Variants in INPP4B observed in about 807,000 individuals in gnomAD.
INPP4B encodes inositol polyphosphate 4-phosphatase type II.
INPP4B carries 55 observed loss-of-function variants against 122.5 expected under a neutral mutation model. That is an observed-to-expected ratio of 0.45 (90% CI 0.36 to 0.56). The LOEUF is 0.56. INPP4B is among the 20% of genes least tolerant of loss of function. The pLI, the probability that INPP4B is intolerant of heterozygous loss-of-function variation, is 0.00. For synonymous variants in INPP4B, 403 were observed against 388.7 expected, an observed-to-expected ratio of 1.04 and a Z score of -0.43; for missense variants, 1,000 against 1,097.7, an observed-to-expected ratio of 0.91 and a Z score of 1.26.
chr4:142,782,108 A>G (rs1304486738), intron 1 of INPP4B, among the ~76,000 whole-genome samples: 2 of 151,920 alleles, frequency 1.3e-5, no homozygotes, highest in African/African-American at 4.8e-5. Flanking sequence ...CATTAGGTAT[A>G]TCTCCTAATG....
intron 22 of INPP4B, among the ~76,000 whole-genome samples, chr4:142,112,177 T>A (rs1270878984): frequency 6.6e-6 from 1 of 152,198 alleles, no homozygotes; most frequent in East Asian, 1.9e-4. Flanking sequence ...AAAAACTCTG[T>A]TTTAGATTTA....
intron 2 of INPP4B, among the ~76,000 whole-genome samples, chr4:142,510,611 T>A (rs929706113): frequency 6.6e-6 from 1 of 152,202 alleles, no homozygotes; most frequent in African/African-American, 2.4e-5. Context: ...TATTATGTAA[T>A]GTAGAGTTCT....
intron 2 of INPP4B, among the ~76,000 whole-genome samples, chr4:142,526,081 AAGT>A (rs1826873067): frequency 6.6e-6 from 1 of 152,048 alleles, no homozygotes; most frequent in South Asian, 2.1e-4. Context: ...TAATAAATGA[AAGT>A]AATAATAGCC....
chr4:142,601,188 G>C lies in INPP4B; in HGVS notation c.-191+124651C>G, dbSNP rs553295884. Among the ~76,000 whole-genome samples, 97 of 152,044 alleles carry C rather than the reference G, an allele frequency of 6.4e-4. 1 individual carries two copies. The South Asian group carries it at 0.019, about 30-fold the overall frequency. On this transcript the variant is annotated intron_variant, in intron 2 of 25. Transcript: ENST00000262992. ...ACATTGCACTTAAGCAAGAAAAACC[G>C]GACTTTAGATCAAATAAGACTAACA...
chr4:142,370,205 A>T (rs1293475209), intron 7 of INPP4B, among the ~76,000 whole-genome samples: 1 of 152,104 alleles, frequency 6.6e-6, no homozygotes, highest in African/African-American at 2.4e-5. Flanking sequence ...TATCATCCAC[A>T]TATAAATAAA....
At chr4:142,581,305 C>T (rs1313359457) in intron 2 of INPP4B, among the ~76,000 whole-genome samples, 1 of 151,964 alleles carries the variant, frequency 6.6e-6, no homozygotes, top group African/African-American at 2.4e-5. Flanking sequence ...TCAAGTATTT[C>T]TACACAGCTG....
chr4:142,806,764 GAAGAAAGAAAGA>G (rs796400415), intron 1 of INPP4B, among the ~76,000 whole-genome samples: 7 of 39,076 alleles, frequency 1.8e-4, no homozygotes, highest in Non-Finnish European at 4.1e-4. Flanking sequence ...GAAGAAGAAA[GAAGAAAGAAAGA>G]AAGAAAGAAG....
chr4:142,624,644 C>T (rs567539848), intron 2 of INPP4B, among the ~76,000 whole-genome samples: 9 of 152,106 alleles, frequency 5.9e-5, no homozygotes, highest in South Asian at 4.2e-4. Flanking sequence ...CCAGCATCAT[C>T]CTGATACCAA....
At chr4:142,734,795 G>A (rs997115056) in intron 1 of INPP4B, among the ~76,000 whole-genome samples, 5 of 152,058 alleles carry the variant, frequency 3.3e-5, no homozygotes, top group African/African-American at 7.2e-5. Flanking sequence ...ACAGGCATGC[G>A]CCAGCACGCC....
intron 2 of INPP4B, among the ~76,000 whole-genome samples, chr4:142,505,988 G>A (rs576831784): frequency 2.6e-5 from 4 of 152,196 alleles, no homozygotes; most frequent in African/African-American, 7.2e-5. Flanking sequence ...TCTGTGTTAT[G>A]TGCATTAACA....
chr4:142,487,337 C>T (rs1821326207), intron 2 of INPP4B, among the ~76,000 whole-genome samples: 1 of 152,034 alleles, frequency 6.6e-6, no homozygotes, highest in Non-Finnish European at 1.5e-5. Flanking sequence ...ATGCTAGTAC[C>T]ACAATGTCTG....
At chr4:142,306,061 TC>T (rs1271782211) in intron 8 of INPP4B, 1 of 337,652 alleles carries the variant, frequency 3.0e-6, no homozygotes, top group Non-Finnish European at 4.2e-6. Flanking sequence ...CTTTGTTATT[TC>T]TTTACTAGCA....
chr4:142,773,859 G>C (rs937356209), intron 1 of INPP4B, among the ~76,000 whole-genome samples: 3 of 151,182 alleles, frequency 2.0e-5, no homozygotes, highest in African/African-American at 4.9e-5. Context: ...GATTTTTGGA[G>C]AGTAAGAGCC....
intron 2 of INPP4B, among the ~76,000 whole-genome samples, chr4:142,643,749 T>C (rs1751088439): frequency 6.6e-6 from 1 of 152,180 alleles, no homozygotes; most frequent in Non-Finnish European, 1.5e-5. Flanking sequence ...GGCAGAGGTT[T>C]AAGTGAGGAT....
chr4:142,064,519 A>AT (rs1379922987), intron 25 of INPP4B, among the ~76,000 whole-genome samples: 5 of 151,884 alleles, frequency 3.3e-5, no homozygotes, highest in East Asian at 1.9e-4. Flanking sequence ...TATATGAAAG[A>AT]TTTTTTTTAA....
chr4:142,151,429 T>C lies in INPP4B; in HGVS notation c.1564-5433A>G, dbSNP rs1813851559. Among the ~76,000 whole-genome samples, 3 of 152,182 alleles carry C rather than the reference T, an allele frequency of 2.0e-5. No homozygotes were observed. The South Asian group carries it at 6.2e-4, about 32-fold the overall frequency. On this transcript the variant is annotated intron_variant, in intron 17 of 25. Coordinates refer to ENST00000262992, the MANE Select transcript of INPP4B (RefSeq NM_001101669.3). ...CTTTAACTTCACCTATTTCCTTATG[T>C]AAAAATACCTGACCTTCATCTCCCA...
At chr4:142,421,336 T>C (rs1418200644) in intron 5 of INPP4B, among the ~76,000 whole-genome samples, 2 of 152,116 alleles carry the variant, frequency 1.3e-5, no homozygotes, top group African/African-American at 4.8e-5. Context: ...TTATTGTCTA[T>C]ATAAGTAGGC....
intron 3 of INPP4B, among the ~76,000 whole-genome samples, chr4:142,458,115 A>C (rs1815876024): frequency 6.6e-6 from 1 of 152,330 alleles, no homozygotes; most frequent in African/African-American, 2.4e-5. Context: ...CTGTAAAATA[A>C]AGTTAAAAAG....
chr4:142,364,074 CCTTT>C (rs1435934824), intron 7 of INPP4B, among the ~76,000 whole-genome samples: 1 of 151,964 alleles, frequency 6.6e-6, no homozygotes, highest in Non-Finnish European at 1.5e-5. Context: ...TCATTATTTT[CCTTT>C]CTAACATCTC....
Sources: allele counts gnomAD v4.1 joint callset (sites outside exome capture counted in the v4.1 genomes callset), GRCh38; gene constraint gnomAD v4.1.1; transcripts MANE v1.5; gene names NCBI Gene and HGNC (gene_info 2026-07-23, HGNC 2026-07-21).